The following DSCAML1 variants were observed in gnomAD, a reference collection of about 807,000 sequenced individuals.
DSCAML1 encodes the protein cell adhesion molecule DSCAML1.
In DSCAML1, 38 loss-of-function variants were observed where a neutral mutation model predicts 200.5. The observed-to-expected ratio is 0.19, with a 90% confidence interval of 0.15 to 0.25. The LOEUF is 0.25. DSCAML1 is among the 10% of genes least tolerant of loss of function. The pLI is 1.00. For missense variants in DSCAML1, 2,223 were observed against 2,858.8 expected (o/e 0.78, Z 5.07); for synonymous variants, 1,215 against 1,165.0 (o/e 1.04, Z -0.87).
chr11:117,478,921 C>CTGGG (rs1229826853), intron 14 of DSCAML1, among the ~76,000 whole-genome samples: 3 of 152,214 alleles, frequency 2.0e-5, no homozygotes, highest in African/African-American at 7.2e-5. Context: ...GATTGAACTC[C>CTGGG]TGGGTGGCTT....
Position 117,495,896 on chromosome 11 carries a change from T to C in DSCAML1, c.2359+7949A>G, listed in dbSNP as rs545675322. ...CAAGATCTTAATATCATTCCTATCATCTAGTGCATCATGTCCAGACTTCAG... is the reference window on the plus strand; with the variant it reads ...CAAGATCTTAATATCATTCCTATCACCTAGTGCATCATGTCCAGACTTCAG... On this transcript the variant is annotated intron_variant, in intron 11 of 32. Coordinates refer to ENST00000651296, the MANE Select transcript of DSCAML1 (RefSeq NM_020693.4). 3.9e-5 allele frequency among the ~76,000 whole-genome samples: 6 copies of C among 152,328 alleles called. No individual in the cohort carries two copies. The South Asian group carries it at 1.2e-3, about 32-fold the overall frequency.
At chr11:117,817,166 G>A (rs1010283449) in intron 1 of DSCAML1, among the ~76,000 whole-genome samples, 3 of 152,210 alleles carry the variant, frequency 2.0e-5, no homozygotes, top group African/African-American at 7.2e-5. Context: ...GTTCATGGGT[G>A]CTGTGAGGAA....
intron 3 of DSCAML1, among the ~76,000 whole-genome samples, chr11:117,580,831 A>G (rs887568950): frequency 8.5e-5 from 13 of 152,196 alleles, no homozygotes; most frequent in African/African-American, 3.1e-4. Context: ...CTAAGTGCTG[A>G]TCATGATTAT....
chr11:117,548,721 A>T (rs116356076), intron 3 of DSCAML1, among the ~76,000 whole-genome samples: 5 of 152,124 alleles, frequency 3.3e-5, no homozygotes, highest in Non-Finnish European at 7.3e-5. Context: ...CACATTGGAG[A>T]TGGAGCATTG....
At chr11:117,764,803 C>G (rs575039353) in intron 3 of DSCAML1, among the ~76,000 whole-genome samples, 94 of 152,286 alleles carry the variant, frequency 6.2e-4, no homozygotes, top group African/African-American at 2.2e-3. Context: ...TTCCCTGTGT[C>G]CCACTATGAG....
Position 117,428,642 on chromosome 11 carries a change from T to C in DSCAML1, c.5848A>G (p.Ser1950Gly). Residue 1950 changes from serine to glycine, a missense_variant, in exon 33 of 33, where the codon AGC becomes GGC. Transcript: ENST00000651296. ...QARHLTLDPA[S>G]KSLGLPHPGA... ...GGGTGGGGAAGGCCCAAGGACTTGC[T>C]GGCAGGGTCCAGGGTCAGGTGGCGA... 2 of 1,611,474 alleles carry C rather than the reference T, an allele frequency of 1.2e-6. No individual in the cohort carries two copies. The highest frequency in any genetic ancestry group is 1.7e-6 in the Non-Finnish European group (2 of 1,179,142).
chr11:117,566,349 T>TCC (rs2050755995), intron 3 of DSCAML1, among the ~76,000 whole-genome samples: 1 of 111,886 alleles, frequency 8.9e-6, no homozygotes, highest in South Asian at 3.0e-4. Flanking sequence ...TTTCTCTCTC[T>TCC]CTCTCTCTTT....
chr11:117,782,345 G>A (rs1043381651), intron 1 of DSCAML1, among the ~76,000 whole-genome samples: 5 of 152,206 alleles, frequency 3.3e-5, no homozygotes, highest in Admixed American at 2.0e-4. Context: ...AAACACATTC[G>A]TGGGCTTCTT....
intron 3 of DSCAML1, among the ~76,000 whole-genome samples, chr11:117,758,223 G>A (rs913566369): frequency 4.6e-5 from 7 of 151,206 alleles, no homozygotes; most frequent in African/African-American, 1.5e-4. Context: ...TTGCTTGAAC[G>A]TGGGAGGCGG....
intron 1 of DSCAML1, among the ~76,000 whole-genome samples, chr11:117,790,393 G>A (rs2055439076): frequency 6.6e-6 from 1 of 152,342 alleles, no homozygotes; most frequent in East Asian, 1.9e-4. Flanking sequence ...TTTGCTCCAG[G>A]AAGACTATTG....
chr11:117,694,608 G>T (rs1478850912), intron 3 of DSCAML1, among the ~76,000 whole-genome samples: 1 of 152,086 alleles, frequency 6.6e-6, no homozygotes, highest in Non-Finnish European at 1.5e-5. Context: ...AGCCAAGGAG[G>T]TGAGAAAAGC....
rs1565670044 is a variant in DSCAML1, at chr11:117,430,952, T to C, written c.5456A>G (p.Lys1819Arg). The C allele has an allele frequency of 2.5e-6, 4 of 1,614,084 alleles. No homozygotes were observed. The highest frequency in any genetic ancestry group is 3.4e-6 in the Non-Finnish European group (4 of 1,180,044). Residue 1819 changes from lysine to arginine, a missense_variant, in exon 32 of 33, where the codon AAG (lysine) becomes AGG (arginine). Physicochemically the swap from Lys to Arg is conservative, Grantham distance 26. This residue lies in a region of DSCAML1 where 96 missense variants were observed against 160.7 expected (regional missense o/e 0.60). Transcript: ENST00000651296. ...GGCGTGCTGCAGCTGCTCCTCCAGCTTGGCATGCTCATAGGCCCGGGCCAG... is the reference window on the plus strand; with the variant it reads ...GGCGTGCTGCAGCTGCTCCTCCAGCCTGGCATGCTCATAGGCCCGGGCCAG... ...EELARAYEHA[K>R]LEEQLQHAKF...
chr11:117,621,919 A>C (rs2051942066), intron 3 of DSCAML1, among the ~76,000 whole-genome samples: 1 of 152,228 alleles, frequency 6.6e-6, no homozygotes, highest in African/African-American at 2.4e-5. Context: ...AGAGGTTACC[A>C]TGAGGATCAA....
intron 3 of DSCAML1, among the ~76,000 whole-genome samples, chr11:117,717,659 G>A (rs1050322508): frequency 1.3e-5 from 2 of 152,274 alleles, no homozygotes; most frequent in Admixed American, 6.5e-5. Flanking sequence ...CAGTAATGAC[G>A]CCCTGGTGAG....
At chr11:117,608,890 G>A (rs920849494) in intron 3 of DSCAML1, among the ~76,000 whole-genome samples, 4 of 152,250 alleles carry the variant, frequency 2.6e-5, no homozygotes, top group Admixed American at 6.5e-5. Flanking sequence ...CAAATTGGCC[G>A]GGCATGGTGG....
chr11:117,569,385 T>C (rs1448209824), intron 3 of DSCAML1, among the ~76,000 whole-genome samples: 2 of 152,220 alleles, frequency 1.3e-5, no homozygotes, highest in African/African-American at 4.8e-5. Flanking sequence ...CTAATTAAAC[T>C]AAAGAGCTTC....
chr11:117,442,960 C>G (rs2048098109), intron 21 of DSCAML1, among the ~76,000 whole-genome samples: 1 of 152,224 alleles, frequency 6.6e-6, no homozygotes, highest in Non-Finnish European at 1.5e-5. Flanking sequence ...CCCTGGCCCA[C>G]CGTAGGCCCT....
chr11:117,714,078 G>A (rs11216512), intron 3 of DSCAML1, among the ~76,000 whole-genome samples: 2 of 152,186 alleles, frequency 1.3e-5, no homozygotes. Flanking sequence ...CTGTGCAATG[G>A]GGATAATAAT....
At chr11:117,654,415 T>G (rs1025844254) in intron 3 of DSCAML1, among the ~76,000 whole-genome samples, 1 of 152,204 alleles carries the variant, frequency 6.6e-6, no homozygotes, top group Non-Finnish European at 1.5e-5. Flanking sequence ...ATTCCTGGAA[T>G]TGGGAGCTAT....
Sources: gnomAD v4.1 joint callset for allele counts (sites outside exome capture counted in the v4.1 genomes callset) on GRCh38, gnomAD v4.1.1 for gene constraint, gnomAD v4.1.1 regional missense constraint, MANE v1.5 for transcripts, NCBI Gene and HGNC (gene_info 2026-07-23, HGNC 2026-07-21) for gene names.